Variants in WDR70 observed in about 807,000 individuals in gnomAD.
WDR70 encodes the protein WD repeat domain 70, also known as WD repeat-containing protein 70.
Under a neutral mutation model 88.6 loss-of-function variants are expected in WDR70, and 53 were observed. That is an observed-to-expected ratio of 0.60 (90% CI 0.48 to 0.75). The LOEUF (loss-of-function observed/expected upper bound fraction) is 0.75, where lower values mean the gene tolerates loss of function less well. Ranked by LOEUF, WDR70 falls within the 30% of genes least tolerant of loss-of-function variation. The pLI, the probability that WDR70 is intolerant of heterozygous loss-of-function variation, is 0.00. For synonymous variants in WDR70, 280 were observed against 270.0 expected (o/e 1.04, Z -0.36); for missense variants, 610 against 823.2 (o/e 0.74, Z 3.17).
chr5:37,729,462 C>A (rs1385345776), intron 17 of WDR70, among the ~76,000 whole-genome samples: 1 of 152,216 alleles, frequency 6.6e-6, no homozygotes, highest in Non-Finnish European at 1.5e-5. Flanking sequence ...TCCTGTATCA[C>A]AGGTTCCCTA....
intron 13 of WDR70, among the ~76,000 whole-genome samples, chr5:37,704,165 T>G (rs993441216): frequency 2.0e-5 from 3 of 152,266 alleles, no homozygotes; most frequent in Non-Finnish European, 2.9e-5. Flanking sequence ...TCTAATCTCA[T>G]GACGTAATTT....
chr5:37,629,908 C>T (rs547488687), intron 10 of WDR70, among the ~76,000 whole-genome samples: 1 of 152,108 alleles, frequency 6.6e-6, no homozygotes, highest in Non-Finnish European at 1.5e-5. Flanking sequence ...CAATTTTATT[C>T]ACTAGGTGTC....
intron 17 of WDR70, among the ~76,000 whole-genome samples, chr5:37,744,959 G>C (rs191586762): frequency 3.6e-4 from 55 of 152,218 alleles, no homozygotes; most frequent in African/African-American, 1.3e-3. Context: ...TCCAAGAGAA[G>C]ATCAACCCCA....
intron 9 of WDR70, among the ~76,000 whole-genome samples, chr5:37,543,799 C>T (rs138670960): frequency 0.035 from 5,387 of 152,118 alleles, 319 homozygotes; most frequent in African/African-American, 0.12. Context: ...GATGGAGTCT[C>T]GCTCTGTCGC....
chr5:37,465,347 C>G (rs1739119986), intron 7 of WDR70, among the ~76,000 whole-genome samples: 1 of 152,150 alleles, frequency 6.6e-6, no homozygotes, highest in Non-Finnish European at 1.5e-5. Context: ...ACATTCTAAT[C>G]TCAGAGACCA....
chr5:37,549,904 G>A (rs1197411211), intron 9 of WDR70, among the ~76,000 whole-genome samples: 1 of 150,238 alleles, frequency 6.7e-6, no homozygotes, highest in Non-Finnish European at 1.5e-5. Context: ...ACCCTGTCAT[G>A]CAGGGAGAGT....
chr5:37,409,855 G>A (rs755676451), intron 5 of WDR70, among the ~76,000 whole-genome samples: 11 of 151,992 alleles, frequency 7.2e-5, no homozygotes, highest in Non-Finnish European at 1.3e-4. Flanking sequence ...ACTCTTTCCC[G>A]TTATTTTTCA....
intron 5 of WDR70, among the ~76,000 whole-genome samples, chr5:37,424,333 T>A (rs961592415): frequency 6.6e-6 from 1 of 150,490 alleles, no homozygotes; most frequent in African/African-American, 2.4e-5. Context: ...ACTAGATGGA[T>A]CTTATTGACC....
intron 10 of WDR70, among the ~76,000 whole-genome samples, chr5:37,645,488 CT>C (rs772961646): frequency 1.3e-5 from 2 of 152,006 alleles, no homozygotes; most frequent in Admixed American, 6.6e-5. Context: ...CTGTTAGGTC[CT>C]TTTGGTCTAT....
chr5:37,473,356 T>A (rs958903440), intron 7 of WDR70, among the ~76,000 whole-genome samples: 1 of 151,228 alleles, frequency 6.6e-6, no homozygotes, highest in Non-Finnish European at 1.5e-5. Context: ...TTTTTTTTTT[T>A]TTTTGAGACT....
chr5:37,609,514 G>A (rs555396997), intron 10 of WDR70, among the ~76,000 whole-genome samples: 8 of 152,308 alleles, frequency 5.3e-5, no homozygotes, highest in African/African-American at 1.9e-4. Flanking sequence ...TTTTTGTCAG[G>A]AAAATTGGGA....
intron 10 of WDR70, among the ~76,000 whole-genome samples, chr5:37,674,224 C>T (rs944665074): frequency 1.3e-4 from 20 of 151,846 alleles, no homozygotes; most frequent in African/African-American, 4.8e-4. Context: ...AACTAATTTC[C>T]ATTTTCTTTT....
chr5:37,592,263 G>C (rs747813866), intron 9 of WDR70, among the ~76,000 whole-genome samples: 4 of 151,970 alleles, frequency 2.6e-5, no homozygotes, highest in Non-Finnish European at 5.9e-5. Context: ...AAAATTTTTT[G>C]CATCAAACAG....
At chr5:37,632,822 G>A (rs1002035498) in intron 10 of WDR70, among the ~76,000 whole-genome samples, 45 of 152,142 alleles carry the variant, frequency 3.0e-4, no homozygotes, top group Admixed American at 2.2e-3. Flanking sequence ...GTACAGTAAT[G>A]TCCTAGACCT....
chr5:37,749,955 C>T (rs1247456992), intron 17 of WDR70, among the ~76,000 whole-genome samples: 3 of 151,742 alleles, frequency 2.0e-5, no homozygotes, highest in Non-Finnish European at 4.4e-5. Flanking sequence ...TTCCTTGGTT[C>T]TTTATTTTCT....
chr5:37,461,344 C>T (rs555152301), intron 7 of WDR70, among the ~76,000 whole-genome samples: 17 of 152,208 alleles, frequency 1.1e-4, no homozygotes, highest in South Asian at 8.3e-4. Flanking sequence ...ATCTCCTTAC[C>T]TTCTTAACCT....
intron 5 of WDR70, among the ~76,000 whole-genome samples, chr5:37,418,226 T>TATTTA: frequency 6.6e-6 from 1 of 152,336 alleles, no homozygotes; most frequent in African/African-American, 2.4e-5. Flanking sequence ...TATTTTATTT[T>TATTTA]ATTCAGGATT....
At chr5:37,431,776 G>A (rs1051604070) in intron 5 of WDR70, among the ~76,000 whole-genome samples, 29 of 152,112 alleles carry the variant, frequency 1.9e-4, no homozygotes, top group African/African-American at 7.0e-4. Flanking sequence ...TAATCGGACT[G>A]CTCTAGCACA....
chr5:37,487,438 G>A (rs1265959864), intron 8 of WDR70, among the ~76,000 whole-genome samples: 6 of 150,430 alleles, frequency 4.0e-5, no homozygotes, highest in Admixed American at 3.3e-4. Flanking sequence ...CAATGAATAG[G>A]GTGTTAAAGG....
Sources: gnomAD v4.1 joint callset for allele counts (sites outside exome capture counted in the v4.1 genomes callset) on GRCh38, gnomAD v4.1.1 for gene constraint, MANE v1.5 for transcripts, NCBI Gene and HGNC (gene_info 2026-07-23, HGNC 2026-07-21) for gene names.